Variants in PCED1B observed in about 807,000 individuals in gnomAD.
PCED1B encodes PC-esterase domain containing 1B.
For synonymous variants in PCED1B, 251 were observed against 246.1 expected (o/e 1.02, Z -0.19); for missense variants, 573 against 573.9 (o/e 1.00, Z 0.02).
At chr12:47,189,507 G>C (rs1942378577) in intron 2 of PCED1B, among the ~76,000 whole-genome samples, 1 of 152,144 alleles carries the variant, frequency 6.6e-6, no homozygotes, top group Non-Finnish European at 1.5e-5. Context: ...CTAAATAAAT[G>C]AATGACCTTG....
intron 2 of PCED1B, among the ~76,000 whole-genome samples, chr12:47,146,998 CTTTT>C (rs59400736): frequency 2.0e-5 from 2 of 98,988 alleles, no homozygotes; most frequent in Non-Finnish European, 3.8e-5. Flanking sequence ...GTTCATTGCT[CTTTT>C]TTTTTTTTTT....
intron 1 of PCED1B, among the ~76,000 whole-genome samples, chr12:47,101,179 A>C (rs1018061522): frequency 9.8e-5 from 15 of 152,298 alleles, no homozygotes; most frequent in African/African-American, 3.6e-4. Flanking sequence ...TTGTAATATA[A>C]TTACTTGTTA....
At chr12:47,093,794 A>G (rs1340238858) in intron 1 of PCED1B, among the ~76,000 whole-genome samples, 1 of 152,040 alleles carries the variant, frequency 6.6e-6, no homozygotes, top group East Asian at 1.9e-4. Flanking sequence ...AGACATTCTG[A>G]AAGATGTCAA....
chr12:47,159,663 A>G (rs1941307734), intron 2 of PCED1B, among the ~76,000 whole-genome samples: 1 of 151,812 alleles, frequency 6.6e-6, no homozygotes, highest in East Asian at 1.9e-4. Context: ...CATTTTGCAA[A>G]TATTTTCTCC....
At chr12:47,201,730 C>G (rs1290733412) in intron 2 of PCED1B, among the ~76,000 whole-genome samples, 5 of 152,036 alleles carry the variant, frequency 3.3e-5, no homozygotes, top group Admixed American at 1.3e-4. Context: ...TCCTGAATAG[C>G]TGAGACTACA....
At chr12:47,169,854 C>CAAA (rs34644611) in intron 2 of PCED1B, among the ~76,000 whole-genome samples, 4 of 113,048 alleles carry the variant, frequency 3.5e-5, no homozygotes, top group East Asian at 4.8e-4. Context: ...GACCCTGTCT[C>CAAA]AAAAAAAAAA....
chr12:47,149,747 A>T (rs1940922313), intron 2 of PCED1B, among the ~76,000 whole-genome samples: 1 of 152,214 alleles, frequency 6.6e-6, no homozygotes, highest in Non-Finnish European at 1.5e-5. Flanking sequence ...TTATATAAGG[A>T]CAGGCAGCTG....
At chr12:47,229,803 T>C (rs1043367050) in intron 3 of PCED1B, among the ~76,000 whole-genome samples, 8 of 151,996 alleles carry the variant, frequency 5.3e-5, no homozygotes, top group African/African-American at 1.9e-4. Context: ...GGAGTCTCTC[T>C]CTGTCACCCA....
intron 2 of PCED1B, among the ~76,000 whole-genome samples, chr12:47,177,525 T>C (rs59082668): frequency 0.055 from 8,341 of 152,190 alleles, 315 homozygotes; most frequent in African/African-American, 0.11. Context: ...GACATGAGTT[T>C]GGTTGACAGA....
intron 3 of PCED1B, among the ~76,000 whole-genome samples, chr12:47,220,279 C>A (rs917599649): frequency 4.0e-4 from 61 of 152,218 alleles, no homozygotes; most frequent in Admixed American, 1.2e-3. Context: ...TCAAGCAATT[C>A]TCTTGCCTCG....
intron 2 of PCED1B, among the ~76,000 whole-genome samples, chr12:47,143,544 A>G (rs181414979): frequency 4.3e-4 from 66 of 152,310 alleles, no homozygotes; most frequent in Non-Finnish European, 6.0e-4. Context: ...AGATCTGTAC[A>G]CAGAAAACTA....
intron 1 of PCED1B, among the ~76,000 whole-genome samples, chr12:47,102,260 TA>T: frequency 6.6e-6 from 1 of 152,338 alleles, no homozygotes; most frequent in East Asian, 1.9e-4. Flanking sequence ...AGATACAATG[TA>T]TCCAAAAAAG....
chr12:47,161,358 C>A (rs539081960), intron 2 of PCED1B, among the ~76,000 whole-genome samples: 113 of 152,248 alleles, frequency 7.4e-4, no homozygotes, highest in South Asian at 3.3e-3. Flanking sequence ...TATCTTAGTA[C>A]CGTTATTGAA....
chr12:47,092,649 C>T (rs541340405), intron 1 of PCED1B, among the ~76,000 whole-genome samples: 12 of 152,026 alleles, frequency 7.9e-5, no homozygotes, highest in African/African-American at 1.9e-4. Flanking sequence ...ATGTTTGCTA[C>T]GGATATTTTG....
chr12:47,227,430 T>C (rs573687361), intron 3 of PCED1B, among the ~76,000 whole-genome samples: 123 of 152,038 alleles, frequency 8.1e-4, no homozygotes, highest in African/African-American at 2.1e-3. Flanking sequence ...ACCTCGGCCT[T>C]CCAAAGTGCT....
intron 2 of PCED1B, among the ~76,000 whole-genome samples, chr12:47,120,998 C>T (rs1939654750): frequency 2.0e-5 from 3 of 151,778 alleles, no homozygotes; most frequent in South Asian, 2.1e-4. Context: ...GAAAAAATGG[C>T]GGTATAGAAA....
intron 2 of PCED1B, among the ~76,000 whole-genome samples, chr12:47,171,589 G>C (rs2137553361): frequency 6.6e-6 from 1 of 152,104 alleles, no homozygotes; most frequent in East Asian, 1.9e-4. Flanking sequence ...CTCTGACCTG[G>C]TTTCCCTAAG....
chr12:47,164,594 A>G (rs965360031), intron 2 of PCED1B, among the ~76,000 whole-genome samples: 1 of 152,232 alleles, frequency 6.6e-6, no homozygotes, highest in Non-Finnish European at 1.5e-5. Flanking sequence ...CAGTAGCTGT[A>G]CAATTCTGTG....
Position 47,235,512 on chromosome 12 carries a change from T to C in PCED1B, c.449T>C (p.Leu150Pro). 6.2e-7 allele frequency: 1 copy of C among 1,612,452 alleles called. No homozygotes were observed. Among genetic ancestry groups the C allele is most frequent in the South Asian group, 1.1e-5 (1 of 90,930 alleles). Reference protein sequence around the residue: ...LENLENLFQCLGQVLPESCLL... With the variant: ...LENLENLFQCPGQVLPESCLL... ...AACCTGGAGAACCTGTTCCAGTGCCTGGGCCAGGTGCTGCCCGAGTCTTGC... is the reference window on the plus strand; with the variant it reads ...AACCTGGAGAACCTGTTCCAGTGCCCGGGCCAGGTGCTGCCCGAGTCTTGC... Residue 150 changes from leucine to proline, a missense_variant, in exon 4 of 4, where the codon CTG (leucine) becomes CCG (proline). Coordinates refer to ENST00000546455, the MANE Select transcript of PCED1B (RefSeq NM_138371.3).
Sources: allele counts gnomAD v4.1 joint callset (sites outside exome capture counted in the v4.1 genomes callset), GRCh38; gene constraint gnomAD v4.1.1; transcripts MANE v1.5; gene names NCBI Gene and HGNC (gene_info 2026-07-23, HGNC 2026-07-21).